The following VPS54 variants were observed in gnomAD, a reference collection of about 807,000 sequenced individuals.
The protein encoded by VPS54 is VPS54 subunit of GARP complex, also known as vacuolar protein sorting-associated protein 54.
Under a neutral mutation model 121.5 loss-of-function variants are expected in VPS54, and 45 were observed. The observed-to-expected ratio is 0.37, with a 90% CI of 0.29 to 0.47. The LOEUF is 0.47. Among genes scored for constraint, VPS54 ranks in the 20% least tolerant of loss-of-function variants. The pLI is 0.99. For missense variants in VPS54, 1,090 were observed against 1,131.4 expected, an observed-to-expected ratio of 0.96 and a Z score of 0.52; for synonymous variants, 371 against 385.8, an observed-to-expected ratio of 0.96 and a Z score of 0.45.
intron 1 of VPS54, among the ~76,000 whole-genome samples, chr2:63,985,527 T>C (rs896012752): frequency 4.6e-5 from 7 of 152,058 alleles, no homozygotes; most frequent in Admixed American, 4.6e-4. Context: ...TACACAAAGA[T>C]AAACAACTTC....
intron 20 of VPS54, among the ~76,000 whole-genome samples, chr2:63,905,431 A>C (rs569338031): frequency 5.9e-5 from 9 of 152,244 alleles, no homozygotes; most frequent in African/African-American, 2.2e-4. Flanking sequence ...CAAGTTAATA[A>C]CAGATGAAAT....
intron 1 of VPS54, among the ~76,000 whole-genome samples, chr2:63,987,880 C>G (rs961210040): frequency 6.6e-6 from 1 of 152,112 alleles, no homozygotes; most frequent in Non-Finnish European, 1.5e-5. Flanking sequence ...ATTTTGTATC[C>G]TGCAACTTTA....
In VPS54 at chr2:63,893,308, C is replaced by A; in HGVS notation, c.*122G>T. ...CCAACACTTGATACTTTCCTTTTTC[C>A]CTTCCCCCACCCCAGTTCACTTTGG... On this transcript the variant is annotated 3_prime_UTR_variant, in exon 23 of 23. Transcript: ENST00000272322. 1.1e-6 allele frequency: 1 copy of A among 877,294 alleles called. No individual in the cohort carries two copies. Among genetic ancestry groups the A allele is most frequent in the Non-Finnish European group, 1.9e-6 (1 of 513,484 alleles). 54.3% of individuals were successfully genotyped at this position (877,294 alleles called of 1,614,324 possible). A position where few individuals can be genotyped will look rare whatever the true frequency, so the allele number is the denominator to read the frequency against.
intron 11 of VPS54, among the ~76,000 whole-genome samples, chr2:63,940,573 G>T (rs1674675413): frequency 6.6e-6 from 1 of 152,044 alleles, no homozygotes; most frequent in South Asian, 2.1e-4. Flanking sequence ...GCAGGTTTTT[G>T]AATAACACTG....
At chr2:63,981,532 A>T in intron 3 of VPS54, 114 bp downstream of exon 3, 1 of 1,218,652 alleles carries the variant, frequency 8.2e-7, no homozygotes. Context: ...TGTATGAACG[A>T]AAAGAATACT....
At chr2:63,897,360 AAAC>A in intron 22 of VPS54, 133 bp downstream of exon 22, 2 of 614,076 alleles carry the variant, frequency 3.3e-6, no homozygotes, top group South Asian at 4.2e-5. Context: ...GGGAAAAAAA[AAAC>A]ACAAAAGCTT....
intron 5 of VPS54, among the ~76,000 whole-genome samples, 171 bp from the exon 6 acceptor site, chr2:63,966,137 A>C (rs868540674): frequency 6.6e-6 from 1 of 152,204 alleles, no homozygotes; most frequent in African/African-American, 2.4e-5. Flanking sequence ...AAAATGTGTA[A>C]ATTTCTCACC....
intron 17 of VPS54, among the ~76,000 whole-genome samples, chr2:63,913,606 G>T (rs993030198): frequency 6.6e-6 from 1 of 151,986 alleles, no homozygotes; most frequent in Non-Finnish European, 1.5e-5. Flanking sequence ...TTCTTGTTGG[G>T]AAGTCCTATT....
At position 64,019,233 on chromosome 2, in the gene VPS54, T is replaced by A. The variant is rs1288178803; in HGVS notation, c.-316A>T. ...TTTCCCCCGGGTCCGCAGCGCCGCCTCCGCCGCTGCTGCCACCGCCTCTCC... is the reference window on the plus strand; with the variant it reads ...TTTCCCCCGGGTCCGCAGCGCCGCCACCGCCGCTGCTGCCACCGCCTCTCC... On this transcript the variant is annotated 5_prime_UTR_variant, in exon 1 of 23. Transcript: ENST00000272322. Among the ~76,000 whole-genome samples the A allele has an allele frequency of 1.3e-5, 2 of 149,644 alleles. No homozygotes were observed. The highest frequency in any genetic ancestry group is 3.0e-5 in the Non-Finnish European group (2 of 67,094).
intron 1 of VPS54, among the ~76,000 whole-genome samples, chr2:64,015,352 T>A (rs1488837265): frequency 1.3e-5 from 2 of 152,126 alleles, no homozygotes; most frequent in African/African-American, 4.8e-5. Flanking sequence ...TTCCCTCAAT[T>A]CCTCCTCTTG....
intron 12 of VPS54, among the ~76,000 whole-genome samples, chr2:63,933,297 G>C (rs532534085): frequency 4.6e-5 from 7 of 152,240 alleles, no homozygotes; most frequent in African/African-American, 1.4e-4. Flanking sequence ...AATCACAAAG[G>C]TGACACAGAA....
chr2:63,973,405 T>G (rs946724611), intron 3 of VPS54, among the ~76,000 whole-genome samples: 5 of 152,226 alleles, frequency 3.3e-5, no homozygotes, highest in African/African-American at 7.2e-5. Context: ...CGTAAAATTA[T>G]TTGCTATGTT....
intron 6 of VPS54, among the ~76,000 whole-genome samples, chr2:63,965,327 T>C (rs1053077986): frequency 6.6e-6 from 1 of 151,820 alleles, no homozygotes; most frequent in African/African-American, 2.4e-5. Flanking sequence ...ATACAAAAAA[T>C]TAGCCAAGCA....
chr2:63,961,763 A>G (rs1675782158), intron 7 of VPS54, among the ~76,000 whole-genome samples: 1 of 152,164 alleles, frequency 6.6e-6, no homozygotes, highest in Non-Finnish European at 1.5e-5. Context: ...ATTGTGACAC[A>G]AAGCTATTTC....
chr2:63,922,304 G>C lies in VPS54; in HGVS notation c.1740-969C>G, dbSNP rs533580717. ...TTAGTGTTACCATGAGCCAAGTGAA[G>C]TACCTTAACCTCATTTTTCTCTCTT... On this transcript the variant is annotated intron_variant, in intron 12 of 22. Coordinates refer to ENST00000272322, the MANE Select transcript of VPS54 (RefSeq NM_016516.3). Among the ~76,000 whole-genome samples, 30 of 152,248 alleles carry C rather than the reference G, an allele frequency of 2.0e-4. 1 individual carries two copies. The highest frequency in any genetic ancestry group is 7.0e-4 in the African/African-American group (29 of 41,544).
At chr2:63,950,521 C>G (rs996313151) in intron 7 of VPS54, among the ~76,000 whole-genome samples, 11 of 152,128 alleles carry the variant, frequency 7.2e-5, no homozygotes, top group African/African-American at 2.7e-4. Flanking sequence ...AAGGTACTTC[C>G]TGACTTCAGA....
At chr2:64,006,109 AACTT>A (rs953691246) in intron 1 of VPS54, among the ~76,000 whole-genome samples, 6 of 152,164 alleles carry the variant, frequency 3.9e-5, no homozygotes, top group Non-Finnish European at 8.8e-5. Context: ...CTATACTGTA[AACTT>A]ACTTACTTAT....
rs1675303925 is a variant in VPS54, at chr2:63,952,596, T to C, written c.1011-3433A>G. On this transcript the variant is annotated intron_variant, in intron 7 of 22. Transcript: ENST00000272322. ...CATTATTCTTGTTTTATAAACAACA[T>C]ATGGTAAGTAGGAGTAGTGATAATT... 1.3e-5 allele frequency among the ~76,000 whole-genome samples: 2 copies of C among 152,176 alleles called. 1 individual carries two copies. The highest frequency in any genetic ancestry group is 6.3e-3 in the Middle Eastern group (2 of 316).
Position 63,892,377 on chromosome 2 carries a change from T to C in VPS54, c.*1053A>G, listed in dbSNP as rs1672256991. The C allele has an allele frequency of 6.6e-6, 1 of 152,310 alleles. No homozygotes were observed. The highest frequency in any genetic ancestry group is 2.1e-4 in the South Asian group (1 of 4,824). 9.4% of individuals were successfully genotyped at this position (152,310 alleles called of 1,614,324 possible). On this transcript the variant is annotated 3_prime_UTR_variant, in exon 23 of 23. Coordinates refer to ENST00000272322, the MANE Select transcript of VPS54 (RefSeq NM_016516.3). ...CACTTTATTTGTACAGTGCTGCTGATTCTAATTTTGAAGGTAGGTATTATA... is the reference window on the plus strand; with the variant it reads ...CACTTTATTTGTACAGTGCTGCTGACTCTAATTTTGAAGGTAGGTATTATA...
Sources: allele counts gnomAD v4.1 joint callset (sites outside exome capture counted in the v4.1 genomes callset), GRCh38; gene constraint gnomAD v4.1.1; transcripts MANE v1.5; gene names NCBI Gene and HGNC (gene_info 2026-07-23, HGNC 2026-07-21).